Variants in NIBAN1 observed in about 807,000 individuals in gnomAD.
NIBAN1 encodes the protein niban apoptosis regulator 1, also known as protein Niban 1.
Under a neutral mutation model 75.1 loss-of-function variants are expected in NIBAN1, and 81 were observed. The observed-to-expected ratio is 1.08, with a 90% CI of 0.90 to 1.30. NIBAN1 has a LOEUF of 1.30. NIBAN1 is among the 50% of genes most tolerant of loss of function. The probability of loss-of-function intolerance (pLI) is 0.00; values close to 1 mark genes in which losing one functional copy is unlikely to be tolerated. For missense variants in NIBAN1, 1,133 were observed against 1,128.1 expected (o/e 1.00, Z -0.06); for synonymous variants, 436 against 424.8 (o/e 1.03, Z -0.32).
chr1:184,928,287 G>A (rs781097672), intron 1 of NIBAN1, among the ~76,000 whole-genome samples: 5 of 152,138 alleles, frequency 3.3e-5, no homozygotes, highest in Non-Finnish European at 7.4e-5. Flanking sequence ...CTTTCCAGGA[G>A]ATGCAAGCTG....
At chr1:184,954,383 C>A (rs1342339968) in intron 1 of NIBAN1, among the ~76,000 whole-genome samples, 1 of 152,196 alleles carries the variant, frequency 6.6e-6, no homozygotes, top group Non-Finnish European at 1.5e-5. Context: ...TCATATCTTT[C>A]CATCCCTTTA....
chr1:184,911,331 G>A (rs112436241), intron 1 of NIBAN1, among the ~76,000 whole-genome samples: 66 of 152,222 alleles, frequency 4.3e-4, no homozygotes, highest in African/African-American at 1.5e-3. Context: ...TGAAATACAT[G>A]GAATCTGTAT....
intron 1 of NIBAN1, among the ~76,000 whole-genome samples, chr1:184,935,934 G>A (rs546223069): frequency 2.6e-4 from 39 of 151,464 alleles, no homozygotes; most frequent in Non-Finnish European, 5.3e-4. Context: ...CACAGGTGAA[G>A]GCAAATGCAG....
At chr1:184,951,234 AG>A (rs1658350243) in intron 1 of NIBAN1, among the ~76,000 whole-genome samples, 1 of 152,168 alleles carries the variant, frequency 6.6e-6, no homozygotes, top group Non-Finnish European at 1.5e-5. Context: ...CCTATCTTGG[AG>A]GGTTATTATG....
chr1:184,941,129 AAGG>A (rs1436206955), intron 1 of NIBAN1, among the ~76,000 whole-genome samples: 1 of 152,250 alleles, frequency 6.6e-6, no homozygotes, highest in African/African-American at 2.4e-5. Context: ...AGGAAAAAGA[AAGG>A]AGAAGAGTTT....
intron 5 of NIBAN1, among the ~76,000 whole-genome samples, chr1:184,855,941 A>C: frequency 6.6e-6 from 1 of 152,234 alleles, no homozygotes; most frequent in East Asian, 1.9e-4. Flanking sequence ...AAGTACATTG[A>C]GCAAGACAAA....
chr1:184,897,176 T>C (rs1439877042), intron 2 of NIBAN1, among the ~76,000 whole-genome samples: 1 of 152,084 alleles, frequency 6.6e-6, no homozygotes, highest in Non-Finnish European at 1.5e-5. Flanking sequence ...TCTGTGAGCA[T>C]GGGATGTGTT....
intron 9 of NIBAN1, among the ~76,000 whole-genome samples, chr1:184,811,824 C>T (rs1654389899): frequency 6.6e-6 from 1 of 152,154 alleles, no homozygotes; most frequent in African/African-American, 2.4e-5. Context: ...TGAGGGCTCT[C>T]AGTAAAGTCC....
At chr1:184,946,167 G>T (rs1424625114) in intron 1 of NIBAN1, among the ~76,000 whole-genome samples, 1 of 152,192 alleles carries the variant, frequency 6.6e-6, no homozygotes, top group African/African-American at 2.4e-5. Flanking sequence ...TAAGCCAGAT[G>T]TTTGGCACCA....
intron 5 of NIBAN1, among the ~76,000 whole-genome samples, chr1:184,866,753 G>A (rs1266648985): frequency 6.6e-6 from 1 of 152,042 alleles, no homozygotes; most frequent in Admixed American, 6.6e-5. Flanking sequence ...TTAGACCAAT[G>A]GCAACTCACT....
intron 1 of NIBAN1, among the ~76,000 whole-genome samples, chr1:184,939,949 T>A (rs1322754455): frequency 6.6e-6 from 1 of 152,198 alleles, no homozygotes; most frequent in African/African-American, 2.4e-5. Context: ...AATTAAAATT[T>A]TCAGTGACAA....
At chr1:184,898,245 C>G (rs535081661) in intron 2 of NIBAN1, among the ~76,000 whole-genome samples, 3 of 152,196 alleles carry the variant, frequency 2.0e-5, no homozygotes, top group Non-Finnish European at 4.4e-5. Context: ...AATATTCACA[C>G]AGCCTACTCT....
intron 5 of NIBAN1, among the ~76,000 whole-genome samples, chr1:184,834,199 T>C (rs781095472): frequency 7.8e-4 from 118 of 152,236 alleles, no homozygotes; most frequent in Non-Finnish European, 9.8e-4. Context: ...CATCCTTTTT[T>C]ATGGCTGCAT....
chr1:184,804,676 T>G (rs1487892877), intron 11 of NIBAN1, among the ~76,000 whole-genome samples: 1 of 152,230 alleles, frequency 6.6e-6, no homozygotes. Flanking sequence ...CTTCCTTTCT[T>G]TCTGTACGCT....
chr1:184,902,752 A>C (rs1445927134), intron 1 of NIBAN1, among the ~76,000 whole-genome samples: 1 of 152,184 alleles, frequency 6.6e-6, no homozygotes, highest in Non-Finnish European at 1.5e-5. Flanking sequence ...TAAAACATCA[A>C]CATTAATGAA....
rs1653742310 is a variant in NIBAN1 at position 184,793,175 on chromosome 1, T to C, written c.*1802A>G. 1 of 152,242 alleles carries C rather than the reference T, an allele frequency of 6.6e-6. No individual in the cohort carries two copies. The highest frequency in any genetic ancestry group is 1.9e-4 in the East Asian group (1 of 5,200). 9.4% of individuals were successfully genotyped at this position (152,242 alleles called of 1,614,324 possible). On this transcript the variant is annotated 3_prime_UTR_variant, in exon 14 of 14. Transcript: ENST00000367511. The stretch of plus-strand genomic sequence containing the variant: ...TTTCTGGTTAAATGGTTGAACTGTG[T>C]GTGAAGCAAATGCTCTAAAGAACTG...
chr1:184,921,811 G>A (rs903741312), intron 1 of NIBAN1, among the ~76,000 whole-genome samples: 1 of 152,146 alleles, frequency 6.6e-6, no homozygotes, highest in African/African-American at 2.4e-5. Context: ...CATTCAAATG[G>A]TTCTAATAAG....
rs7513625 is a variant in NIBAN1 at position 184,886,264 on chromosome 1, C to T, written c.434-1464G>A. On this transcript the variant is annotated intron_variant, in intron 4 of 13. Coordinates refer to ENST00000367511, the MANE Select transcript of NIBAN1 (RefSeq NM_052966.4). ...TGCAATGACCTGTTTTCATGCCCAG[C>T]GCCCACACTCAGGGTAGGGAGGCGG... 2.5e-3 allele frequency among the ~76,000 whole-genome samples: 382 copies of T among 152,252 alleles called. 1 individual carries two copies. The highest frequency in any genetic ancestry group is 8.6e-3 in the African/African-American group (356 of 41,534).
chr1:184,805,020 C>A (rs961628004), intron 11 of NIBAN1, among the ~76,000 whole-genome samples: 1 of 152,182 alleles, frequency 6.6e-6, no homozygotes, highest in Non-Finnish European at 1.5e-5. Context: ...GATCTCCTGA[C>A]CTCGTGATCT....
Sources: allele counts gnomAD v4.1 joint callset (sites outside exome capture counted in the v4.1 genomes callset), GRCh38; gene constraint gnomAD v4.1.1; transcripts MANE v1.5; gene names NCBI Gene and HGNC (gene_info 2026-07-23, HGNC 2026-07-21).